HDAC9: variants seen among roughly 807,000 people sequenced by gnomAD.
The protein encoded by HDAC9 is histone deacetylase 9.
In HDAC9, 41 loss-of-function variants were observed where a neutral mutation model predicts 139.4. The observed-to-expected ratio is 0.29, with a 90% CI of 0.23 to 0.38. The LOEUF (loss-of-function observed/expected upper bound fraction) is 0.38, where lower values mean the gene tolerates loss of function less well. Ranked by LOEUF, HDAC9 falls within the 10% of genes least tolerant of loss-of-function variation. HDAC9 has a pLI of 1.00. For missense variants in HDAC9, 1,147 were observed against 1,297.0 expected (o/e 0.88, Z 1.78); for synonymous variants, 517 against 476.2 (o/e 1.09, Z -1.12).
intron 13 of HDAC9, among the ~76,000 whole-genome samples, chr7:18,731,974 C>T (rs145510908): frequency 1.4e-4 from 22 of 151,996 alleles, no homozygotes; most frequent in African/African-American, 4.8e-4. Context: ...TTCCCCCAAA[C>T]AAAAGACATA....
rs550039622 is a variant in HDAC9 at position 18,190,879 on chromosome 7, C to G, written c.25+28530C>G. Among the ~76,000 whole-genome samples, 40 of 152,256 alleles carry G rather than the reference C, an allele frequency of 2.6e-4. No individual in the cohort carries two copies. The South Asian group carries it at 8.3e-3, about 32-fold the overall frequency. On this transcript the variant is annotated intron_variant, in intron 2 of 12. Coordinates refer to the HDAC9 transcript ENST00000417496. Reference sequence around the variant, plus strand: ...TATGCATGTTTTACCTTTGTAAACTCCTACCTTTGTAAAACATGCGGAATA... The same window carrying G: ...TATGCATGTTTTACCTTTGTAAACTGCTACCTTTGTAAAACATGCGGAATA...
chr7:18,595,872 C>T (rs1282306981), intron 6 of HDAC9, among the ~76,000 whole-genome samples: 5 of 151,944 alleles, frequency 3.3e-5, no homozygotes, highest in African/African-American at 1.2e-4. Context: ...TGTTGCCATG[C>T]GAACAGCTTA....
intron 23 of HDAC9, among the ~76,000 whole-genome samples, chr7:18,937,030 A>ATTTTTTTT (rs768350029): frequency 6.2e-5 from 6 of 96,696 alleles, no homozygotes; most frequent in Non-Finnish European, 1.2e-4. Flanking sequence ...GCTCTTGTTA[A>ATTTTTTTT]TTTTTTTTTT....
At chr7:18,173,714 G>T (rs974064404) in intron 2 of HDAC9, among the ~76,000 whole-genome samples, 3 of 151,796 alleles carry the variant, frequency 2.0e-5, no homozygotes, top group South Asian at 2.1e-4. Context: ...ACTTAGTTTG[G>T]CTGGATATGA....
intron 11 of HDAC9, among the ~76,000 whole-genome samples, chr7:18,653,216 G>C (rs10261637): frequency 0.057 from 7,778 of 136,334 alleles, 654 homozygotes; most frequent in African/African-American, 0.2. Context: ...CCAAACCTGG[G>C]CCACAAGGGT....
At chr7:18,967,558 G>A (rs1585429489) in intron 24 of HDAC9, among the ~76,000 whole-genome samples, 3 of 146,866 alleles carry the variant, frequency 2.0e-5, no homozygotes, top group Admixed American at 1.4e-4. Flanking sequence ...ATAAATTTTG[G>A]TAAAAGTGTA....
At chr7:18,749,260 C>A (rs773687755) in intron 14 of HDAC9, 122 bp downstream of exon 14, 43 of 1,031,420 alleles carry the variant, frequency 4.2e-5, no homozygotes, top group Middle Eastern at 2.7e-4. Context: ...GATTGATGAA[C>A]CATCATAGAT....
In HDAC9 at chr7:18,604,276, G is replaced by A. The variant is rs560103673; in HGVS notation, c.664+10247G>A. On this transcript the variant is annotated intron_variant, in intron 6 of 25. Coordinates refer to ENST00000686413, the MANE Select transcript of HDAC9 (RefSeq NM_178425.4). ...TTATACCTTTTGCAATTTTCTTAGA[G>A]TATTGGGGAATTCTGTTCCATTTAA... Among the ~76,000 whole-genome samples, 3 of 152,116 alleles carry A rather than the reference G, an allele frequency of 2.0e-5. No individual in the cohort carries two copies. In the South Asian group the frequency reaches 6.2e-4, roughly 32 times the overall value.
At chr7:18,278,734 A>G (rs938343558) in intron 2 of HDAC9, among the ~76,000 whole-genome samples, 2 of 152,310 alleles carry the variant, frequency 1.3e-5, no homozygotes, top group Admixed American at 1.3e-4. Context: ...GCTGAAGTCA[A>G]TGCCCCAGGA....
At chr7:18,253,350 A>T (rs1357607190) in intron 2 of HDAC9, among the ~76,000 whole-genome samples, 2 of 58,894 alleles carry the variant, frequency 3.4e-5, no homozygotes, top group African/African-American at 1.5e-4. Context: ...GAGTGGTCAA[A>T]CTAATTTACA....
At chr7:18,881,453 C>T (rs540320200) in intron 22 of HDAC9, among the ~76,000 whole-genome samples, 1 of 152,052 alleles carries the variant, frequency 6.6e-6, no homozygotes, top group Non-Finnish European at 1.5e-5. Context: ...CTCCACTTTT[C>T]CATTTCTTGT....
At chr7:18,178,583 G>T (rs572702999) in intron 2 of HDAC9, among the ~76,000 whole-genome samples, 24 of 152,258 alleles carry the variant, frequency 1.6e-4, no homozygotes, top group African/African-American at 5.8e-4. Context: ...ACTTCTCCCT[G>T]TTTCAATGCT....
At chr7:18,990,928 A>G (rs1029913187) in intron 25 of HDAC9, among the ~76,000 whole-genome samples, 2 of 152,216 alleles carry the variant, frequency 1.3e-5, no homozygotes, top group African/African-American at 4.8e-5. Context: ...GCACCCACTG[A>G]CCTGCGCCCA....
chr7:18,094,864 A>G (rs1782400482), intron 1 of HDAC9, among the ~76,000 whole-genome samples: 1 of 152,190 alleles, frequency 6.6e-6, no homozygotes, highest in Non-Finnish European at 1.5e-5. Context: ...ATAAACAGGA[A>G]TAGCCAGCCT....
Position 18,417,124 on chromosome 7 carries a change from A to G in HDAC9, c.-41-79138A>G, listed in dbSNP as rs527560613. ...AGGGCCCACTGACTTTTTATTATCT[A>G]ATTTTCTATCTGTGCTTTCTTTTGG... is the stretch of plus-strand genomic sequence containing the variant. On this transcript the variant is annotated intron_variant, in intron 1 of 3. Transcript: ENST00000413509. Among the ~76,000 whole-genome samples, 13 of 152,108 alleles carry G rather than the reference A, an allele frequency of 8.5e-5. No homozygotes were observed. In the South Asian group the frequency reaches 1.7e-3, roughly 19 times the overall value.
At chr7:18,744,012 G>GTTTTTTTTTTTTTTTTTTTTTTTT (rs35414332) in intron 13 of HDAC9, among the ~76,000 whole-genome samples, 5 of 110,442 alleles carry the variant, frequency 4.5e-5, no homozygotes, top group East Asian at 7.2e-4. Context: ...TTTACTACTA[G>GTTTTTTTTTTTTTTTTTTTTTTTT]TTTTTTTTTT....
chr7:18,457,101 G>T (rs2128106848), intron 1 of HDAC9, among the ~76,000 whole-genome samples: 1 of 152,220 alleles, frequency 6.6e-6, no homozygotes, highest in South Asian at 2.1e-4. Flanking sequence ...CCATTCCCAG[G>T]ATTCCTTGGA....
intron 12 of HDAC9, among the ~76,000 whole-genome samples, chr7:18,711,590 G>A (rs1301607383): frequency 6.6e-6 from 1 of 152,150 alleles, no homozygotes. Flanking sequence ...GCTGTGGTCT[G>A]CCACACCCAC....
At chr7:18,450,967 A>G (rs1388515363) in intron 1 of HDAC9, among the ~76,000 whole-genome samples, 1 of 152,230 alleles carries the variant, frequency 6.6e-6, no homozygotes, top group Non-Finnish European at 1.5e-5. Flanking sequence ...ATATGTTCAC[A>G]TATAGGTTAT....
Sources: allele counts gnomAD v4.1 joint callset (sites outside exome capture counted in the v4.1 genomes callset), GRCh38; gene constraint gnomAD v4.1.1; transcripts MANE v1.5; gene names NCBI Gene and HGNC (gene_info 2026-07-23, HGNC 2026-07-21).